Variants in ZBTB24 observed in about 807,000 individuals in gnomAD.
The protein encoded by ZBTB24 is zinc finger and BTB domain-containing protein 24.
ZBTB24 carries 32 observed loss-of-function variants against 53.8 expected under a neutral mutation model. The ratio of observed to expected loss-of-function variants is 0.60; its 90% CI spans 0.45 to 0.80. The LOEUF (loss-of-function observed/expected upper bound fraction) is 0.80. Ranked by LOEUF, ZBTB24 falls within the 30% of genes least tolerant of loss-of-function variation. The pLI is 0.00. For missense variants in ZBTB24, 722 were observed against 837.1 expected (o/e 0.86, Z 1.70); for synonymous variants, 297 against 306.7 (o/e 0.97, Z 0.33).
intron 2 of ZBTB24, 105 bp downstream of exon 2, chr6:109,480,970 T>C: frequency 6.5e-7 from 1 of 1,546,068 alleles, no homozygotes; most frequent in Non-Finnish European, 8.7e-7. Flanking sequence ...AAGGCTTTAT[T>C]ACAATGCCCA....
intron 5 of ZBTB24, among the ~76,000 whole-genome samples, chr6:109,471,788 C>T (rs549618386): frequency 1.3e-5 from 2 of 152,114 alleles, no homozygotes; most frequent in Non-Finnish European, 2.9e-5. Context: ...GTTGATATAT[C>T]CTCTGGTTTA....
intron 5 of ZBTB24, among the ~76,000 whole-genome samples, chr6:109,471,323 G>T (rs557489424): frequency 6.6e-6 from 1 of 152,302 alleles, no homozygotes; most frequent in African/African-American, 2.4e-5. Flanking sequence ...CATAGTAGAT[G>T]GCACGTAGAC....
chr6:109,474,232 A>G (rs1454008243), intron 5 of ZBTB24, among the ~76,000 whole-genome samples: 1 of 152,160 alleles, frequency 6.6e-6, no homozygotes, highest in African/African-American at 2.4e-5. Context: ...ACATTCTTTG[A>G]CAAAAGGTAT....
rs1412665566 is a variant in ZBTB24, at chr6:109,476,908, A to G, written c.975T>C (p.Asn325=). 1 of 1,614,176 alleles carries G rather than the reference A, an allele frequency of 6.2e-7. No individual in the cohort carries two copies. ...SHTGERPFKC[N]ECGKGFAQKH... is the part of the protein sequence containing the mutation. ...TCTGGGCAAAGCCTTTTCCACACTC[A>G]TTACATTTGAAAGGTCGCTCCCCTG... Residue 325 remains asparagine (N), a synonymous_variant, in exon 3 of 7, where the codon AAT becomes AAC. Transcript: ENST00000230122.
In ZBTB24 at chr6:109,481,383, T is replaced by C. The variant is rs1309024899; in HGVS notation, c.644A>G (p.Glu215Gly). Residue 215 changes from glutamate (E) to glycine (G), a missense_variant, in exon 2 of 7, where the codon GAA becomes GGA. Transcript: ENST00000230122. Reference sequence around the variant, plus strand: ...ACAAGTAGGCTCCGATTCTTCCTTTTCTTTTGCTGCAATTTGCTCATTCAG... The same window carrying C: ...ACAAGTAGGCTCCGATTCTTCCTTTCCTTTTGCTGCAATTTGCTCATTCAG... ...GVLNEQIAAKEKEESEPTCEP... is the reference protein window; with the variant it reads ...GVLNEQIAAKGKEESEPTCEP... The C allele has an allele frequency of 1.2e-6, 2 of 1,614,194 alleles. No homozygotes were observed. Among genetic ancestry groups the C allele is most frequent in the Admixed American group, 1.7e-5 (1 of 60,022 alleles).
Position 109,481,895 on chromosome 6 carries a change from C to G in ZBTB24, c.132G>C (p.Glu44Asp), listed in dbSNP as rs769682375. ...CTTTGTGGGCCCGGAAATGTACATT[C>G]TCCACGATTAAAGTAATGTCACAGA... ...GFLCDITLIV[E>D]NVHFRAHKAL... The change falls in exon 2 of 7, where the codon GAG (glutamate) becomes GAC (aspartate). Residue 44 changes from glutamate (E) to aspartate (D), a missense_variant. Coordinates refer to ENST00000230122, the MANE Select transcript of ZBTB24 (RefSeq NM_014797.3). The G allele has an allele frequency of 6.2e-7, 1 of 1,614,156 alleles. No homozygotes were observed. Among genetic ancestry groups the G allele is most frequent in the Admixed American group, 1.7e-5 (1 of 60,028 alleles).
chr6:109,470,600 C>A (rs1239563510), intron 5 of ZBTB24, among the ~76,000 whole-genome samples: 1 of 152,240 alleles, frequency 6.6e-6, no homozygotes, highest in African/African-American at 2.4e-5. Context: ...CACAGTGACA[C>A]CTCCCATTCC....
intron 5 of ZBTB24, among the ~76,000 whole-genome samples, chr6:109,474,333 A>G (rs911750079): frequency 6.6e-6 from 1 of 152,136 alleles, no homozygotes; most frequent in Non-Finnish European, 1.5e-5. Context: ...ATTTTTCTGG[A>G]GGTGGTGCTG....
At position 109,481,066 on chromosome 6, in the gene ZBTB24, C is replaced by G. The variant is rs1398350147; in HGVS notation, c.952+9G>C. ...AACACACTGCAATCAGCTTTGAAAACATCATTACCTGTGTGGCTCCTCTGG... is the reference window on the plus strand; with the variant it reads ...AACACACTGCAATCAGCTTTGAAAAGATCATTACCTGTGTGGCTCCTCTGG... On this transcript the variant is annotated intron_variant, in intron 2 of 6. Transcript: ENST00000230122. 5.6e-6 allele frequency: 9 copies of G among 1,613,540 alleles called. No homozygotes were observed. The African/African-American group carries it at 9.3e-5, about 17-fold the overall frequency.
rs113365651 is a variant in ZBTB24, at chr6:109,465,369, G to C, written c.*482C>G. ...GCAAATTCCCCATACATTGTGATCT[G>C]TCATATTTAGCCCTGACTTGTCTTG... On this transcript the variant is annotated 3_prime_UTR_variant, in exon 7 of 7. Coordinates refer to ENST00000230122, the MANE Select transcript of ZBTB24 (RefSeq NM_014797.3). 89 of 445,926 alleles carry C rather than the reference G, an allele frequency of 2.0e-4. No individual in the cohort carries two copies. Among genetic ancestry groups the C allele is most frequent in the Admixed American group, 8.5e-4 (21 of 24,792 alleles). 27.6% of individuals were successfully genotyped at this position (445,926 alleles called of 1,614,324 possible).
chr6:109,467,778 AC>A (rs1189916986), intron 5 of ZBTB24, 44 bp from the exon 6 acceptor site: 6 of 1,598,222 alleles, frequency 3.8e-6, no homozygotes. Context: ...AAACAAAAAA[AC>A]ATTTAACAAT....
At chr6:109,471,477 C>A (rs895842310) in intron 5 of ZBTB24, among the ~76,000 whole-genome samples, 2 of 152,214 alleles carry the variant, frequency 1.3e-5, no homozygotes, top group African/African-American at 4.8e-5. Flanking sequence ...AGGCTGTGAA[C>A]AGAACTGTGA....
At chr6:109,479,341 C>T (rs1477471255) in intron 2 of ZBTB24, among the ~76,000 whole-genome samples, 1 of 152,120 alleles carries the variant, frequency 6.6e-6, no homozygotes, top group Non-Finnish European at 1.5e-5. Flanking sequence ...TATGAATGCA[C>T]CAAATGCAGA....
Position 109,465,806 on chromosome 6 carries a change from G to C in ZBTB24, c.*45C>G. The C allele has an allele frequency of 6.2e-7, 1 of 1,614,092 alleles. No homozygotes were observed. Among genetic ancestry groups the C allele is most frequent in the Non-Finnish European group, 8.5e-7 (1 of 1,180,022 alleles). ...AAGCGTTCAAAATCCAGTCAGAGCT[G>C]GCTTATAAGAAGAGCCCAATCAAGC... is the stretch of plus-strand genomic sequence containing the variant. On this transcript the variant is annotated 3_prime_UTR_variant, in exon 7 of 7. Transcript: ENST00000230122.
chr6:109,471,790 T>C (rs1262763317), intron 5 of ZBTB24, among the ~76,000 whole-genome samples: 2 of 152,182 alleles, frequency 1.3e-5, no homozygotes, highest in Non-Finnish European at 2.9e-5. Flanking sequence ...TGATATATCC[T>C]CTGGTTTATC....
At chr6:109,466,897 T>G (rs924144936) in intron 6 of ZBTB24, among the ~76,000 whole-genome samples, 1 of 152,352 alleles carries the variant, frequency 6.6e-6, no homozygotes, top group South Asian at 2.1e-4. Context: ...TAGTTCTCTT[T>G]TGTTTTGTCT....
At chr6:109,474,535 A>ATCC (rs1011087049) in intron 5 of ZBTB24, among the ~76,000 whole-genome samples, 1 of 152,204 alleles carries the variant, frequency 6.6e-6, no homozygotes, top group African/African-American at 2.4e-5. Flanking sequence ...GATCGAGACC[A>ATCC]TCCTGGCCAA....
At chr6:109,475,339 A>AT in intron 5 of ZBTB24, 60 bp downstream of exon 5, 6 of 1,600,838 alleles carry the variant, frequency 3.7e-6, no homozygotes, top group Non-Finnish European at 4.3e-6. Context: ...AGAGAACTTC[A>AT]TTCTTCACTC....
At chr6:109,471,184 A>T (rs1426107317) in intron 5 of ZBTB24, among the ~76,000 whole-genome samples, 1 of 152,250 alleles carries the variant, frequency 6.6e-6, no homozygotes, top group Non-Finnish European at 1.5e-5. Context: ...AAAAAGGGAC[A>T]CATGTCCATG....
Sources: gnomAD v4.1 joint callset for allele counts (sites outside exome capture counted in the v4.1 genomes callset) on GRCh38, gnomAD v4.1.1 for gene constraint, MANE v1.5 for transcripts, NCBI Gene and HGNC (gene_info 2026-07-23, HGNC 2026-07-21) for gene names.